ENO1: variants seen among roughly 807,000 people sequenced by gnomAD.
ENO1 encodes the protein enolase 1.
ENO1 carries 33 observed loss-of-function variants against 46.3 expected under a neutral mutation model. That is an observed-to-expected ratio of 0.71 (90% CI 0.54 to 0.95). The LOEUF is 0.95. Ranked by LOEUF, ENO1 falls within the 40% of genes least tolerant of loss-of-function variation. The probability of loss-of-function intolerance (pLI) is 0.00; values close to 1 mark genes in which losing one functional copy is unlikely to be tolerated. For missense variants in ENO1, 488 were observed against 553.3 expected (o/e 0.88, Z 1.18); for synonymous variants, 220 against 216.0 (o/e 1.02, Z -0.16).
Position 8,867,188 on chromosome 1 carries a change from C to G in ENO1, c.373G>C (p.Glu125Gln). The G allele has an allele frequency of 1.2e-6, 2 of 1,614,220 alleles. No individual in the cohort carries two copies. The highest frequency in any genetic ancestry group is 8.5e-7 in the Non-Finnish European group (1 of 1,180,034). ...TGGCGGTACAGGGGGACCCCCTTCT[C>G]AACGGCACCAGCTTTGCAGACGGCA... ...SLAVCKAGAV[E>Q]KGVPLYRHIA... The change falls in exon 6 of 12, where the codon GAG becomes CAG. Residue 125 changes from glutamate to glutamine, a missense_variant. Transcript: ENST00000234590.
chr1:8,867,613 C>T (rs532842499), intron 5 of ENO1, among the ~76,000 whole-genome samples: 7 of 151,898 alleles, frequency 4.6e-5, no homozygotes, highest in East Asian at 1.9e-4. Flanking sequence ...TGCAGTGCAG[C>T]GGCAGGATCT....
chr1:8,867,396 T>A, intron 5 of ENO1, 146 bp from the exon 6 acceptor site: 1 of 1,194,396 alleles, frequency 8.4e-7, no homozygotes, highest in Non-Finnish European at 1.2e-6. Flanking sequence ...CAAATAGCAT[T>A]CTATGTGGAC....
At position 8,867,230 on chromosome 1, in the gene ENO1, T is replaced by C; in HGVS notation, c.331A>G (p.Ile111Val). 1 of 1,614,132 alleles carries C rather than the reference T, an allele frequency of 6.2e-7. No homozygotes were observed. The highest frequency in any genetic ancestry group is 8.5e-7 in the Non-Finnish European group (1 of 1,180,008). Reference sequence around the variant, plus strand: ...CAGACGGCAAGGGACACCCCCAGAATGGCGTTCGCACCAAACTTAGCTAGA... The same window carrying C: ...CAGACGGCAAGGGACACCCCCAGAACGGCGTTCGCACCAAACTTAGCTAGA... Reference protein sequence around the residue: ...ENKSKFGANAILGVSLAVCKA... With the variant: ...ENKSKFGANAVLGVSLAVCKA... The change falls in exon 6 of 12, where the codon ATT becomes GTT. Residue 111 changes from isoleucine (I) to valine (V), a missense_variant. By Grantham distance (29) the Ile-to-Val change is conservative (BLOSUM62 3). Transcript: ENST00000234590.
intron 1 of ENO1, among the ~76,000 whole-genome samples, chr1:8,875,436 A>C (rs1460304303): frequency 1.3e-5 from 2 of 152,186 alleles, no homozygotes; most frequent in East Asian, 3.8e-4. Flanking sequence ...GGCTATTGTC[A>C]TGAGTGAACA....
At position 8,867,082 on chromosome 1, in the gene ENO1, A is replaced by G. The variant is rs148815455; in HGVS notation, c.444+35T>C. 7.7e-5 allele frequency: 124 copies of G among 1,604,166 alleles called. No homozygotes were observed. The African/African-American group carries it at 1.2e-3, about 16-fold the overall frequency. On this transcript the variant is annotated intron_variant, in intron 6 of 11. Coordinates refer to ENST00000234590, the MANE Select transcript of ENO1 (RefSeq NM_001428.5). ...CCCCAACAGCAAGCTGAAACCCCCA[A>G]CTCCTTGCTTGGGAAGTTCCAATAA... is the stretch of plus-strand genomic sequence containing the variant.
intron 7 of ENO1, among the ~76,000 whole-genome samples, 191 bp from the exon 8 acceptor site, chr1:8,865,673 C>T (rs541963353): frequency 6.6e-6 from 1 of 152,276 alleles, no homozygotes; most frequent in South Asian, 2.1e-4. Flanking sequence ...TTGGTGCATA[C>T]AAAATGGGAA....
intron 6 of ENO1, 143 bp downstream of exon 6, chr1:8,866,974 C>T: frequency 7.7e-7 from 1 of 1,301,678 alleles, no homozygotes; most frequent in Non-Finnish European, 1.0e-6. Flanking sequence ...GAGTTACCTG[C>T]TCAAGGTCAC....
intron 11 of ENO1, among the ~76,000 whole-genome samples, 159 bp downstream of exon 11, chr1:8,862,728 C>G (rs1035697050): frequency 1.3e-5 from 2 of 152,196 alleles, no homozygotes; most frequent in Non-Finnish European, 2.9e-5. Context: ...TAACTCTGTC[C>G]TGACCTAAGC....
intron 4 of ENO1, among the ~76,000 whole-genome samples, chr1:8,868,325 T>C (rs1278737810): frequency 3.3e-5 from 5 of 152,050 alleles, no homozygotes; most frequent in Non-Finnish European, 1.5e-5. Context: ...AGGTTAATAG[T>C]CTACCCAGGG....
At chr1:8,870,380 C>G in intron 4 of ENO1, 72 bp downstream of exon 4, 1 of 1,593,238 alleles carries the variant, frequency 6.3e-7, no homozygotes, top group South Asian at 1.1e-5. Context: ...CTTCCATAAA[C>G]AGGAAAGCCC....
intron 11 of ENO1, 24 bp from the exon 12 acceptor site, chr1:8,861,453 G>A (rs1382509343): frequency 6.2e-7 from 1 of 1,613,648 alleles, no homozygotes. Context: ...AAGGTAAAGA[G>A]ATGGGGAGGA....
chr1:8,874,998 GGTTC>G, intron 1 of ENO1, 81 bp from the exon 2 acceptor site: 5 of 1,232,134 alleles, frequency 4.1e-6, no homozygotes, highest in Non-Finnish European at 5.9e-6. Flanking sequence ...TCACTTCCGA[GGTTC>G]GTGGACTAGA....
Position 8,864,084 on chromosome 1 carries a change from T to C in ENO1, c.874A>G (p.Ile292Val), listed in dbSNP as rs533860041. The C allele has an allele frequency of 2.3e-5, 37 of 1,613,904 alleles. No homozygotes were observed. Among genetic ancestry groups the C allele is most frequent in the Non-Finnish European group, 3.0e-5 (35 of 1,180,004 alleles). ...SFIKDYPVVSIEDPFDQDDWG... is the reference protein window; with the variant it reads ...SFIKDYPVVSVEDPFDQDDWG... ...TCATCCTGGTCAAAGGGATCTTCGA[T>C]AGACACCACTAAGGAAAGGAGGGAC... The change falls in exon 9 of 12, where the codon ATC becomes GTC. Residue 292 changes from isoleucine to valine, a missense_variant. Coordinates refer to ENST00000234590, the MANE Select transcript of ENO1 (RefSeq NM_001428.5).
chr1:8,874,873 A>G lies in ENO1; in HGVS notation c.36T>C (p.Phe12=). The G allele has an allele frequency of 6.2e-7, 1 of 1,613,938 alleles. No individual in the cohort carries two copies. The highest frequency in any genetic ancestry group is 1.3e-5 in the African/African-American group (1 of 75,038). Residue 12 remains phenylalanine, a synonymous_variant, in exon 2 of 12, where the codon TTT becomes TTC. Transcript: ENST00000234590. ...SILKIHAREI[F]DSRGNPTVEV... ...CAACAGTGGGATTCCCGCGAGAGTCAAAGATCTCCCTGGCATGGATCTTGA... is the reference window on the plus strand; with the variant it reads ...CAACAGTGGGATTCCCGCGAGAGTCGAAGATCTCCCTGGCATGGATCTTGA...
intron 4 of ENO1, among the ~76,000 whole-genome samples, chr1:8,869,921 C>T (rs971342308): frequency 6.6e-6 from 1 of 152,114 alleles, no homozygotes; most frequent in Non-Finnish European, 1.5e-5. Context: ...ACAGGAATTA[C>T]GGAGGGACGG....
rs759085015 is a variant in ENO1 at position 8,866,319 on chromosome 1, A to C, written c.627T>G (p.Asp209Glu). Residue 209 changes from aspartate to glutamate, a missense_variant, in exon 7 of 12, where the codon GAT (aspartate) becomes GAG (glutamate). Transcript: ENST00000234590. Reference protein sequence around the residue: ...KYGKDATNVGDEGGFAPNILE... With the variant: ...KYGKDATNVGEEGGFAPNILE... The stretch of plus-strand genomic sequence containing the variant: ...GGATGTTGGGAGCAAACCCGCCTTC[A>C]TCCCCCACATTGGTGGCATCTTTCC... 2 of 1,614,094 alleles carry C rather than the reference A, an allele frequency of 1.2e-6. No homozygotes were observed. Among genetic ancestry groups the C allele is most frequent in the East Asian group, 4.5e-5 (2 of 44,856 alleles).
chr1:8,867,564 CTTTTT>C (rs1278961605), intron 5 of ENO1, among the ~76,000 whole-genome samples: 54 of 148,138 alleles, frequency 3.6e-4, no homozygotes, highest in Middle Eastern at 3.4e-3. Flanking sequence ...TTTTTTTTTT[CTTTTT>C]TTTTGAGACA....
At chr1:8,863,060 TG>T (rs1262017667) in intron 10 of ENO1, 115 bp from the exon 11 acceptor site, 4 of 1,423,076 alleles carry the variant, frequency 2.8e-6, no homozygotes, top group Non-Finnish European at 3.9e-6. Context: ...GCTAGGAAAG[TG>T]GGGGCCACAA....
At chr1:8,873,364 GT>G (rs1272622085) in intron 2 of ENO1, among the ~76,000 whole-genome samples, 1 of 152,172 alleles carries the variant, frequency 6.6e-6, no homozygotes, top group Non-Finnish European at 1.5e-5. Context: ...GAGATGAAAG[GT>G]TCTGAGCAAG....
Sources: gnomAD v4.1 joint callset for allele counts (sites outside exome capture counted in the v4.1 genomes callset) on GRCh38, gnomAD v4.1.1 for gene constraint, MANE v1.5 for transcripts, NCBI Gene and HGNC (gene_info 2026-07-23, HGNC 2026-07-21) for gene names.